The following PRR29 variants were observed in gnomAD, a reference collection of about 807,000 sequenced individuals.
PRR29 encodes the protein proline-rich protein 29.
A neutral mutation model predicts 25.1 loss-of-function variants in PRR29; 20 were observed. The observed-to-expected ratio is 0.80, with a 90% CI of 0.56 to 1.16. PRR29 has a LOEUF of 1.16. PRR29 is among the 50% of genes most tolerant of loss of function. The pLI is 0.00. For missense variants in PRR29, 238 were observed against 246.6 expected, an observed-to-expected ratio of 0.97 and a Z score of 0.23; for synonymous variants, 108 against 102.6, an observed-to-expected ratio of 1.05 and a Z score of -0.32.
chr17:64,001,819 G>A lies in PRR29; in HGVS notation c.*58G>A, dbSNP rs768119608. ...TTCCTGCTCTGGATACAGCCCCGGA[G>A]CCGCCTCCTGCACCTCTCTTGTCGA... On this transcript the variant is annotated 3_prime_UTR_variant, in exon 6 of 6. Coordinates refer to ENST00000412177, the MANE Select transcript of PRR29 (RefSeq NM_001164257.2). 5.9e-6 allele frequency: 9 copies of A among 1,536,948 alleles called. No homozygotes were observed. In the Admixed American group the frequency reaches 1.2e-4, roughly 20 times the overall value.
Position 64,002,556 on chromosome 17 carries a change from C to A in PRR29, c.*795C>A. 2 of 596,042 alleles carry A rather than the reference C, an allele frequency of 3.4e-6. No homozygotes were observed. Among genetic ancestry groups the A allele is most frequent in the Non-Finnish European group, 5.8e-6 (2 of 343,130 alleles). The allele number at this position is 596,042 out of a possible 1,614,324, so 36.9% of individuals were successfully genotyped here. A position where few individuals can be genotyped will look rare whatever the true frequency, so the allele number is the denominator to read the frequency against. On this transcript the variant is annotated 3_prime_UTR_variant, in exon 6 of 6. Coordinates refer to ENST00000412177, the MANE Select transcript of PRR29 (RefSeq NM_001164257.2). ...CCCCCATGGTGGCTCCCCTCCCTGGCCATTGTTATCCCAGGAGGAGACACT... is the reference window on the plus strand; with the variant it reads ...CCCCCATGGTGGCTCCCCTCCCTGGACATTGTTATCCCAGGAGGAGACACT...
At chr17:63,999,906 G>A (rs1266384466) in intron 3 of PRR29, 1 of 153,518 alleles carries the variant, frequency 6.5e-6, no homozygotes, top group East Asian at 1.9e-4. Flanking sequence ...GTGTGCAAGT[G>A]GGGGTGTGTG....
Position 64,002,326 on chromosome 17 carries a change from C to T in PRR29, c.*565C>T. On this transcript the variant is annotated 3_prime_UTR_variant, in exon 6 of 6. Coordinates refer to ENST00000412177, the MANE Select transcript of PRR29 (RefSeq NM_001164257.2). ...TGTTGGCAGAAAGGAGAGGTCAGAG[C>T]TTTGTCCTGCTGTGGCCAGGAGTGG... 1 of 440,362 alleles carries T rather than the reference C, an allele frequency of 2.3e-6. No individual in the cohort carries two copies. Among genetic ancestry groups the T allele is most frequent in the Non-Finnish European group, 4.2e-6 (1 of 239,192 alleles). 27.3% of individuals were successfully genotyped at this position (440,362 alleles called of 1,614,324 possible).
chr17:64,002,336 C>A lies in PRR29; in HGVS notation c.*575C>A. The stretch of plus-strand genomic sequence containing the variant: ...AAGGAGAGGTCAGAGCTTTGTCCTG[C>A]TGTGGCCAGGAGTGGCCTGAGGTCT... On this transcript the variant is annotated 3_prime_UTR_variant, in exon 6 of 6. Coordinates refer to ENST00000412177, the MANE Select transcript of PRR29 (RefSeq NM_001164257.2). 1 of 425,244 alleles carries A rather than the reference C, an allele frequency of 2.4e-6. No homozygotes were observed. Among genetic ancestry groups the A allele is most frequent in the Non-Finnish European group, 4.3e-6 (1 of 230,250 alleles). 26.3% of individuals were successfully genotyped at this position (425,244 alleles called of 1,614,324 possible).
At chr17:64,001,033 G>A in intron 3 of PRR29, 51 bp from the exon 4 acceptor site, 1 of 1,420,102 alleles carries the variant, frequency 7.0e-7, no homozygotes. Flanking sequence ...GCGGTGGGGA[G>A]AGCCTGATGG....
In PRR29 at chr17:64,001,383, G is replaced by A. The variant is rs1265995467; in HGVS notation, c.470+73G>A. ...GCAGAAGAGCTGTGCAGGGGCTGGT[G>A]GTCGGTGGAGATAACTTGTGGGTGA... On this transcript the variant is annotated intron_variant, in intron 4 of 5. Coordinates refer to ENST00000412177, the MANE Select transcript of PRR29 (RefSeq NM_001164257.2). 1.9e-5 allele frequency: 28 copies of A among 1,491,454 alleles called. No individual in the cohort carries two copies. In the Middle Eastern group the frequency reaches 5.1e-4, roughly 27 times the overall value. 92.4% of individuals were successfully genotyped at this position (1,491,454 alleles called of 1,614,324 possible). A position where few individuals can be genotyped will look rare whatever the true frequency, so the allele number is the denominator to read the frequency against.
In PRR29 at chr17:64,003,530, A is replaced by G. The variant is rs2143171467; in HGVS notation, c.*1769A>G. The G allele has an allele frequency of 1.1e-6, 1 of 942,446 alleles. No individual in the cohort carries two copies. Among genetic ancestry groups the G allele is most frequent in the Non-Finnish European group, 1.6e-6 (1 of 608,372 alleles). The allele number at this position is 942,446 out of a possible 1,614,324, so 58.4% of individuals were successfully genotyped here. On this transcript the variant is annotated 3_prime_UTR_variant, in exon 6 of 6. Coordinates refer to ENST00000412177, the MANE Select transcript of PRR29 (RefSeq NM_001164257.2). Reference sequence around the variant, plus strand: ...GGGAGAGTAAGAGGGAAGCCTCAGGATGAAGGGTGGGCTCCTGGGTGTTTG... The same window carrying G: ...GGGAGAGTAAGAGGGAAGCCTCAGGGTGAAGGGTGGGCTCCTGGGTGTTTG...
Position 64,001,845 on chromosome 17 carries a change from C to T in PRR29, c.*84C>T, listed in dbSNP as rs1441067859. 6.5e-7 allele frequency: 1 copy of T among 1,537,042 alleles called. No homozygotes were observed. Among genetic ancestry groups the T allele is most frequent in the Non-Finnish European group, 8.7e-7 (1 of 1,146,898 alleles). On this transcript the variant is annotated 3_prime_UTR_variant, in exon 6 of 6. Coordinates refer to ENST00000412177, the MANE Select transcript of PRR29 (RefSeq NM_001164257.2). The stretch of plus-strand genomic sequence containing the variant: ...CCGCCTCCTGCACCTCTCTTGTCGA[C>T]TCCCCGGTGCCCATGGCTGGCAGTC...
chr17:64,000,620 C>T (rs908063410), intron 3 of PRR29, among the ~76,000 whole-genome samples: 4 of 149,850 alleles, frequency 2.7e-5, no homozygotes, highest in Non-Finnish European at 4.4e-5. Context: ...TGAGCCACCG[C>T]GCCCCGCCTA....
At position 64,002,223 on chromosome 17, in the gene PRR29, G is replaced by GA; in HGVS notation, c.*462_*463insA. 1.7e-6 allele frequency: 1 copy of GA among 586,660 alleles called. No individual in the cohort carries two copies. Among genetic ancestry groups the GA allele is most frequent in the East Asian group, 2.9e-5 (1 of 33,938 alleles). 36.3% of individuals were successfully genotyped at this position (586,660 alleles called of 1,614,324 possible). ...GGCTGGAGGGGCCCAGAGTGGTCGGGGAGAGACTTTGCTGGGCAGCGCCCC... is the reference window on the plus strand; with the variant it reads ...GGCTGGAGGGGCCCAGAGTGGTCGGGAGAGAGACTTTGCTGGGCAGCGCCCC... On this transcript the variant is annotated 3_prime_UTR_variant, in exon 6 of 6. Transcript: ENST00000412177.
intron 3 of PRR29, chr17:63,999,706 A>AGT (rs545165133): frequency 2.3e-4 from 38 of 162,462 alleles, no homozygotes; most frequent in African/African-American, 8.0e-4. Context: ...TGTGTGCAAG[A>AGT]GTGTGTGTGT....
At chr17:63,998,879 G>A in intron 2 of PRR29, 89 bp from the exon 3 acceptor site, 1 of 1,125,662 alleles carries the variant, frequency 8.9e-7, no homozygotes, top group South Asian at 1.3e-5. Flanking sequence ...AGCACAACCC[G>A]CCAACCCATT....
At chr17:64,000,733 A>C in intron 3 of PRR29, 1 of 270,046 alleles carries the variant, frequency 3.7e-6, no homozygotes, top group Admixed American at 4.6e-5. Context: ...GCTCACTGCA[A>C]GCTCCGCCTC....
Position 64,003,014 on chromosome 17 carries a change from A to AC in PRR29, c.*1258dup. ...GAGTGGAAGTCCACCCCCAACCCAG[A>AC]CCCCCAGACCCCGCCGCCCGCTCAT... On this transcript the variant is annotated 3_prime_UTR_variant, in exon 6 of 6. Transcript: ENST00000412177. 8.3e-7 allele frequency: 1 copy of AC among 1,206,368 alleles called. No individual in the cohort carries two copies. The highest frequency in any genetic ancestry group is 1.2e-6 in the Non-Finnish European group (1 of 862,170). The allele number at this position is 1,206,368 out of a possible 1,614,324, so 74.7% of individuals were successfully genotyped here. A position where few individuals can be genotyped will look rare whatever the true frequency, so the allele number is the denominator to read the frequency against.
At position 64,001,270 on chromosome 17, in the gene PRR29, C is replaced by T; in HGVS notation, c.430C>T (p.Pro144Ser). 4 of 1,537,270 alleles carry T rather than the reference C, an allele frequency of 2.6e-6. No individual in the cohort carries two copies. The highest frequency in any genetic ancestry group is 3.5e-6 in the Non-Finnish European group (4 of 1,146,924). Reference protein sequence around the residue: ...PACQPYLQDVPRIQHCPASRE... With the variant: ...PACQPYLQDVSRIQHCPASRE... Reference sequence around the variant, plus strand: ...TTGTCAGCCCTACTTGCAGGACGTGCCCAGGATTCAGCACTGTCCTGCCTC... The same window carrying T: ...TTGTCAGCCCTACTTGCAGGACGTGTCCAGGATTCAGCACTGTCCTGCCTC... Residue 144 changes from proline to serine, a missense_variant, in exon 4 of 6, where the codon CCC becomes TCC. Physicochemically the swap from Pro to Ser is moderately conservative, Grantham distance 74. Transcript: ENST00000412177.
intron 3 of PRR29, chr17:63,999,690 A>AGTGT (rs1055000390): frequency 6.0e-6 from 1 of 165,570 alleles, no homozygotes; most frequent in Non-Finnish European, 1.3e-5. Flanking sequence ...CGTGTGCGGC[A>AGTGT]GTGTGTGTGT....
intron 1 of PRR29, 116 bp from the exon 2 acceptor site, chr17:63,998,591 G>T: frequency 9.4e-7 from 1 of 1,065,410 alleles, no homozygotes; most frequent in Middle Eastern, 2.5e-4. Context: ...GGGCGGGGAG[G>T]AGAGAACCTG....
At chr17:63,998,666 T>C (rs1402829482) in intron 1 of PRR29, 41 bp from the exon 2 acceptor site, 1 of 1,153,108 alleles carries the variant, frequency 8.7e-7, no homozygotes, top group Non-Finnish European at 1.2e-6. Context: ...TCCCCATCCA[T>C]TCCCCCCACC....
rs1161431688 is a variant in PRR29, at chr17:64,001,065, T to A, written c.244-19T>A. Reference sequence around the variant, plus strand: ...ATGGTAGATTCTCATTTCCCCTCCCTGTTTTGCACAATCCCCAGGTCTACC... The same window carrying A: ...ATGGTAGATTCTCATTTCCCCTCCCAGTTTTGCACAATCCCCAGGTCTACC... On this transcript the variant is annotated intron_variant, in intron 3 of 5. Coordinates refer to ENST00000412177, the MANE Select transcript of PRR29 (RefSeq NM_001164257.2). 6.5e-7 allele frequency: 1 copy of A among 1,528,978 alleles called. No homozygotes were observed. Among genetic ancestry groups the A allele is most frequent in the Non-Finnish European group, 8.8e-7 (1 of 1,139,612 alleles). The allele number at this position is 1,528,978 out of a possible 1,614,324, so 94.7% of individuals were successfully genotyped here. A position where few individuals can be genotyped will look rare whatever the true frequency, so the allele number is the denominator to read the frequency against.
Sources: gnomAD v4.1 joint callset for allele counts (sites outside exome capture counted in the v4.1 genomes callset) on GRCh38, gnomAD v4.1.1 for gene constraint, MANE v1.5 for transcripts, NCBI Gene and HGNC (gene_info 2026-07-23, HGNC 2026-07-21) for gene names.